PDZRN4: variants seen among roughly 807,000 people sequenced by gnomAD.
PDZRN4 encodes PDZ domain-containing RING finger protein 4.
A neutral mutation model predicts 99.0 loss-of-function variants in PDZRN4; 70 were observed. The ratio of observed to expected loss-of-function variants is 0.71; its 90% CI spans 0.58 to 0.86. PDZRN4 has a LOEUF of 0.86. Among genes scored for constraint, PDZRN4 ranks in the 40% least tolerant of loss-of-function variants. The pLI is 0.00. For missense variants in PDZRN4, 1,474 were observed against 1,331.2 expected (o/e 1.11, Z -1.67); for synonymous variants, 551 against 501.6 (o/e 1.10, Z -1.32).
chr12:41,361,869 TC>T (rs1407017355), intron 3 of PDZRN4, among the ~76,000 whole-genome samples: 1 of 152,018 alleles, frequency 6.6e-6, no homozygotes, highest in Non-Finnish European at 1.5e-5. Flanking sequence ...TGTCAGAACC[TC>T]CATCACCTTT....
At chr12:41,334,669 C>G (rs1176800909) in intron 3 of PDZRN4, among the ~76,000 whole-genome samples, 2 of 152,120 alleles carry the variant, frequency 1.3e-5, no homozygotes, top group African/African-American at 4.8e-5. Flanking sequence ...ATCATGTCTG[C>G]CTTGCACATC....
At chr12:41,433,550 G>A (rs1952602687) in intron 3 of PDZRN4, among the ~76,000 whole-genome samples, 1 of 152,224 alleles carries the variant, frequency 6.6e-6, no homozygotes, top group Non-Finnish European at 1.5e-5. Flanking sequence ...ACATGTCAAG[G>A]TAGGTGGCAG....
chr12:41,382,890 A>G lies in PDZRN4; in HGVS notation c.844-123566A>G, dbSNP rs527635859. ...GCTAACAAATGCATTATACTGATAT[A>G]GAATAAAGCTGGTCTTTTTTTGCCA... is the stretch of plus-strand genomic sequence containing the variant. On this transcript the variant is annotated intron_variant, in intron 3 of 9. Transcript: ENST00000402685. Among the ~76,000 whole-genome samples, 6 of 152,382 alleles carry G rather than the reference A, an allele frequency of 3.9e-5. No homozygotes were observed. In the South Asian group the frequency reaches 6.2e-4, roughly 16 times the overall value.
intron 7 of PDZRN4, among the ~76,000 whole-genome samples, chr12:41,556,527 T>C (rs962148177): frequency 9.2e-5 from 14 of 152,322 alleles, no homozygotes; most frequent in Admixed American, 8.5e-4. Flanking sequence ...AGAAAAGGTA[T>C]AGTAAAAGCA....
chr12:41,190,092 C>T (rs1383296066), intron 1 of PDZRN4, among the ~76,000 whole-genome samples: 1 of 152,166 alleles, frequency 6.6e-6, no homozygotes, highest in African/African-American at 2.4e-5. Context: ...ATTTGCGCAC[C>T]ATTCAAGGAG....
intron 3 of PDZRN4, among the ~76,000 whole-genome samples, chr12:41,500,212 G>A (rs1163731199): frequency 6.6e-6 from 1 of 151,904 alleles, no homozygotes; most frequent in African/African-American, 2.4e-5. Context: ...CAGGCTGCCT[G>A]GGTTAGATAT....
chr12:41,558,351 T>A (rs192643285), intron 7 of PDZRN4, among the ~76,000 whole-genome samples: 273 of 152,332 alleles, frequency 1.8e-3, no homozygotes, highest in African/African-American at 6.4e-3. Context: ...TGTGTCATTT[T>A]TCTTACTCCT....
chr12:41,236,721 G>A (rs1441775880), intron 3 of PDZRN4, among the ~76,000 whole-genome samples: 1 of 152,020 alleles, frequency 6.6e-6, no homozygotes, highest in Non-Finnish European at 1.5e-5. Flanking sequence ...TGCCAATATG[G>A]CAAGTGAAAC....
At chr12:41,339,348 G>A (rs1951798997) in intron 3 of PDZRN4, among the ~76,000 whole-genome samples, 1 of 152,030 alleles carries the variant, frequency 6.6e-6, no homozygotes, top group Non-Finnish European at 1.5e-5. Context: ...TTCACTAAAT[G>A]GTGCTGGGAA....
At chr12:41,226,995 C>T (rs1950999325) in intron 3 of PDZRN4, among the ~76,000 whole-genome samples, 1 of 152,040 alleles carries the variant, frequency 6.6e-6, no homozygotes, top group African/African-American at 2.4e-5. Context: ...GCAGGATATC[C>T]CAAATTGCAA....
intron 5 of PDZRN4, among the ~76,000 whole-genome samples, chr12:41,550,430 G>A (rs1308828633): frequency 6.6e-6 from 1 of 152,120 alleles, no homozygotes; most frequent in African/African-American, 2.4e-5. Flanking sequence ...AAGCTGTTTT[G>A]TTGCTATAAT....
intron 5 of PDZRN4, among the ~76,000 whole-genome samples, chr12:41,520,619 GACACACACACACAC>G (rs10580466): frequency 0.15 from 20,607 of 137,316 alleles, 1,794 homozygotes; most frequent in Non-Finnish European, 0.22. Flanking sequence ...CCTAAATACA[GACACACACACACAC>G]ACACACACAC....
intron 4 of PDZRN4, among the ~76,000 whole-genome samples, chr12:41,508,783 C>T (rs915651427): frequency 5.9e-5 from 9 of 152,052 alleles, no homozygotes; most frequent in African/African-American, 1.7e-4. Context: ...AGAATATTTA[C>T]GCTGACTATA....
chr12:41,401,685 C>T (rs769741134), intron 3 of PDZRN4, among the ~76,000 whole-genome samples: 1 of 152,038 alleles, frequency 6.6e-6, no homozygotes, highest in Non-Finnish European at 1.5e-5. Context: ...GTTGGTTGTT[C>T]AGTCTAGCCT....
At chr12:41,409,192 A>G (rs1216294522) in intron 3 of PDZRN4, among the ~76,000 whole-genome samples, 3 of 152,142 alleles carry the variant, frequency 2.0e-5, no homozygotes, top group South Asian at 4.1e-4. Context: ...CTTTTAGAAA[A>G]CAAAAATACC....
chr12:41,461,515 A>C (rs777891559), intron 3 of PDZRN4, among the ~76,000 whole-genome samples: 6 of 152,176 alleles, frequency 3.9e-5, no homozygotes, highest in African/African-American at 1.2e-4. Flanking sequence ...TCCTAGAGAG[A>C]GTAACAGACA....
At chr12:41,508,284 T>C (rs1009706048) in intron 4 of PDZRN4, among the ~76,000 whole-genome samples, 2 of 152,138 alleles carry the variant, frequency 1.3e-5, no homozygotes, top group African/African-American at 4.8e-5. Flanking sequence ...TCCTAGGTCC[T>C]GCAGACCTTA....
At chr12:41,500,863 C>A (rs897586854) in intron 3 of PDZRN4, among the ~76,000 whole-genome samples, 1 of 152,012 alleles carries the variant, frequency 6.6e-6, no homozygotes, top group African/African-American at 2.4e-5. Flanking sequence ...ATTTCAGCAG[C>A]AATTTAAATA....
At chr12:41,424,950 T>C (rs965675824) in intron 3 of PDZRN4, among the ~76,000 whole-genome samples, 3 of 152,134 alleles carry the variant, frequency 2.0e-5, no homozygotes, top group Admixed American at 6.5e-5. Flanking sequence ...TACAAAGACA[T>C]TGGCAAACAT....
Sources: gnomAD v4.1 joint callset for allele counts (sites outside exome capture counted in the v4.1 genomes callset) on GRCh38, gnomAD v4.1.1 for gene constraint, MANE v1.5 for transcripts, NCBI Gene and HGNC (gene_info 2026-07-23, HGNC 2026-07-21) for gene names.